Variants in KCNIP4 observed in about 807,000 individuals in gnomAD.
The protein encoded by KCNIP4 is Kv channel-interacting protein 4.
In KCNIP4, 12 loss-of-function variants were observed where a neutral mutation model predicts 34.0. The ratio of observed to expected loss-of-function variants is 0.35; its 90% CI spans 0.23 to 0.57. The LOEUF (loss-of-function observed/expected upper bound fraction) is 0.57, where lower values mean the gene tolerates loss of function less well. KCNIP4 is among the 20% of genes least tolerant of loss of function. The probability of loss-of-function intolerance (pLI) is 0.83; values close to 1 mark genes in which losing one functional copy is unlikely to be tolerated. For synonymous variants in KCNIP4, 124 were observed against 102.2 expected, an observed-to-expected ratio of 1.21 and a Z score of -1.29; for missense variants, 238 against 311.7, an observed-to-expected ratio of 0.76 and a Z score of 1.78.
chr4:21,850,787 C>T (rs1724329008), intron 1 of KCNIP4: 1 of 152,072 alleles, frequency 6.6e-6, no homozygotes, highest in Non-Finnish European at 1.5e-5. Context: ...GTCCCATTCA[C>T]CTCAGCTCAC....
chr4:21,148,779 C>T (rs1461550539), intron 1 of KCNIP4, among the ~76,000 whole-genome samples: 1 of 151,552 alleles, frequency 6.6e-6, no homozygotes, highest in Non-Finnish European at 1.5e-5. Flanking sequence ...CTGAAAAGGA[C>T]AGCACAATTC....
chr4:20,733,833 A>G (rs1190974425), intron 6 of KCNIP4, among the ~76,000 whole-genome samples: 1 of 152,192 alleles, frequency 6.6e-6, no homozygotes, highest in East Asian at 1.9e-4. Flanking sequence ...TGCAAGAAAC[A>G]CAAATGAAAC....
At chr4:21,335,142 A>G (rs1206617079) in intron 1 of KCNIP4, among the ~76,000 whole-genome samples, 1 of 151,934 alleles carries the variant, frequency 6.6e-6, no homozygotes, top group East Asian at 1.9e-4. Context: ...GTCAGCTCAC[A>G]CAATTTAGTA....
chr4:20,800,646 A>G (rs947593318), intron 3 of KCNIP4, among the ~76,000 whole-genome samples: 5 of 152,206 alleles, frequency 3.3e-5, no homozygotes, highest in Non-Finnish European at 5.9e-5. Context: ...TAAAAATACA[A>G]TAGAAAGCTT....
At chr4:21,355,056 G>A (rs564341406) in intron 1 of KCNIP4, among the ~76,000 whole-genome samples, 52 of 152,228 alleles carry the variant, frequency 3.4e-4, no homozygotes, top group African/African-American at 1.2e-3. Context: ...CGACTACTGG[G>A]TAAATAACAA....
At chr4:21,287,747 A>G (rs1763206113) in intron 1 of KCNIP4, among the ~76,000 whole-genome samples, 1 of 152,192 alleles carries the variant, frequency 6.6e-6, no homozygotes, top group Non-Finnish European at 1.5e-5. Flanking sequence ...TGAAACCTAC[A>G]TAAAGACTAA....
chr4:21,505,604 T>G (rs1364518997), intron 1 of KCNIP4, among the ~76,000 whole-genome samples: 1 of 152,188 alleles, frequency 6.6e-6, no homozygotes, highest in African/African-American at 2.4e-5. Context: ...CCATGGAAAC[T>G]TTCTTCTCTG....
intron 1 of KCNIP4, among the ~76,000 whole-genome samples, chr4:21,055,602 G>A (rs1161287807): frequency 1.3e-5 from 2 of 152,106 alleles, no homozygotes; most frequent in Non-Finnish European, 2.9e-5. Flanking sequence ...ATATAAATGA[G>A]CTAACAAGCC....
At chr4:21,265,505 C>A (rs553102419) in intron 1 of KCNIP4, among the ~76,000 whole-genome samples, 1 of 152,020 alleles carries the variant, frequency 6.6e-6, no homozygotes, top group African/African-American at 2.4e-5. Flanking sequence ...ATCCACTTAC[C>A]GAGTTGCCAG....
intron 1 of KCNIP4, among the ~76,000 whole-genome samples, chr4:21,247,936 C>CAT (rs201314507): frequency 0.12 from 16,607 of 133,370 alleles, 1,226 homozygotes; most frequent in South Asian, 0.24. Flanking sequence ...TATATACACA[C>CAT]ATATATATAT....
intron 3 of KCNIP4, among the ~76,000 whole-genome samples, chr4:20,812,930 TGTGA>T (rs1391338268): frequency 1.5e-5 from 2 of 130,008 alleles, no homozygotes; most frequent in African/African-American, 5.3e-5. Context: ...CTTGTTTGTG[TGTGA>T]GTGTGTGTGT....
chr4:21,923,899 G>A (rs1729082872), intron 1 of KCNIP4, among the ~76,000 whole-genome samples: 1 of 152,178 alleles, frequency 6.6e-6, no homozygotes, highest in Admixed American at 6.5e-5. Flanking sequence ...ATAAAAAACA[G>A]TGGTGTCACC....
intron 1 of KCNIP4, among the ~76,000 whole-genome samples, chr4:21,721,516 A>G (rs1042006267): frequency 6.6e-6 from 1 of 152,186 alleles, no homozygotes; most frequent in Non-Finnish European, 1.5e-5. Context: ...GCTATAATCA[A>G]CATAGTTTCT....
At chr4:21,446,285 A>T (rs554004265) in intron 1 of KCNIP4, among the ~76,000 whole-genome samples, 209 of 152,246 alleles carry the variant, frequency 1.4e-3, no homozygotes, top group Non-Finnish European at 2.3e-3. Flanking sequence ...TATATACCCA[A>T]AGGATTATAA....
rs530805510 is a variant in KCNIP4, at chr4:21,251,287, T to A, written c.62-368578A>T. On this transcript the variant is annotated intron_variant, in intron 1 of 8. Coordinates refer to ENST00000382152, the MANE Select transcript of KCNIP4 (RefSeq NM_025221.6). ...GGAAAATTATACAGGAGAGGAGATCTTTATTTTCATCTTAATTCCTTCTCT... is the reference window on the plus strand; with the variant it reads ...GGAAAATTATACAGGAGAGGAGATCATTATTTTCATCTTAATTCCTTCTCT... Among the ~76,000 whole-genome samples the A allele has an allele frequency of 1.1e-4, 16 of 152,314 alleles. No homozygotes were observed. The South Asian group carries it at 3.3e-3, about 32-fold the overall frequency.
chr4:21,320,278 G>A (rs1714229484), intron 1 of KCNIP4, among the ~76,000 whole-genome samples: 1 of 152,206 alleles, frequency 6.6e-6, no homozygotes, highest in Non-Finnish European at 1.5e-5. Flanking sequence ...ATGGCACAAT[G>A]AGGAAATAAT....
At chr4:21,393,330 TTAACTC>T (rs1337097598) in intron 1 of KCNIP4, among the ~76,000 whole-genome samples, 2 of 152,144 alleles carry the variant, frequency 1.3e-5, no homozygotes, top group Non-Finnish European at 2.9e-5. Context: ...TTCAATGAAT[TTAACTC>T]TAAAGTCTTA....
intron 3 of KCNIP4, among the ~76,000 whole-genome samples, chr4:20,823,292 G>A (rs1214550364): frequency 1.3e-5 from 2 of 152,100 alleles, no homozygotes; most frequent in East Asian, 1.9e-4. Flanking sequence ...AATCCTGAAG[G>A]TCCTTGTATG....
intron 3 of KCNIP4, chr4:20,767,132 G>A (rs975759224): frequency 6.6e-6 from 1 of 152,178 alleles, no homozygotes; most frequent in Non-Finnish European, 1.5e-5. Context: ...TAACATCAAT[G>A]CCGATAGACC....
Sources: allele counts gnomAD v4.1 joint callset (sites outside exome capture counted in the v4.1 genomes callset), GRCh38; gene constraint gnomAD v4.1.1; transcripts MANE v1.5; gene names NCBI Gene and HGNC (gene_info 2026-07-23, HGNC 2026-07-21).